The following ZNF610 variants were observed in gnomAD, a reference collection of about 807,000 sequenced individuals.
ZNF610 encodes the protein zink finger protein.
Under a neutral mutation model 14.1 loss-of-function variants are expected in ZNF610, and 14 were observed. The ratio of observed to expected loss-of-function variants is 0.99; its 90% CI spans 0.65 to 1.55. The LOEUF (loss-of-function observed/expected upper bound fraction) is 1.55. Ranked by LOEUF, ZNF610 falls within the 40% of genes most tolerant of loss-of-function variation. ZNF610 has a pLI of 0.00. For synonymous variants in ZNF610, 185 were observed against 187.6 expected (o/e 0.99, Z 0.11); for missense variants, 530 against 558.0 (o/e 0.95, Z 0.51).
chr19:52,341,319 TA>T (rs1486429965), intron 1 of ZNF610, among the ~76,000 whole-genome samples: 2 of 152,132 alleles, frequency 1.3e-5, no homozygotes, highest in African/African-American at 4.8e-5. Context: ...TTTTTATTTT[TA>T]TTTTTTTTGA....
At chr19:52,335,802 C>T (rs79318857), upstream of ZNF610, among the ~76,000 whole-genome samples, 2,261 of 152,260 alleles carry the variant, frequency 0.015, 65 homozygotes, top group African/African-American at 0.051. Context: ...ATCGCCTTCA[C>T]ACAGAATTCC....
upstream of ZNF610, among the ~76,000 whole-genome samples, chr19:52,335,894 G>T (rs958851307): frequency 1.3e-5 from 2 of 152,054 alleles, no homozygotes; most frequent in African/African-American, 4.8e-5. Context: ...GTATAGCACT[G>T]GGTCTACACT....
chr19:52,365,109 G>A (rs749120103), intron 5 of ZNF610, among the ~76,000 whole-genome samples: 4 of 152,056 alleles, frequency 2.6e-5, no homozygotes, highest in East Asian at 3.9e-4. Flanking sequence ...TTAGACGAAC[G>A]TGGTGGCGTG....
At chr19:52,345,951 G>A (rs1042742976) in intron 1 of ZNF610, among the ~76,000 whole-genome samples, 10 of 150,506 alleles carry the variant, frequency 6.6e-5, no homozygotes, top group Non-Finnish European at 1.5e-4. Context: ...TGATCCACCC[G>A]CCTTGACCTC....
At chr19:52,355,543 C>A (rs565484799) in intron 5 of ZNF610, among the ~76,000 whole-genome samples, 87 of 152,328 alleles carry the variant, frequency 5.7e-4, no homozygotes, top group Middle Eastern at 3.4e-3. Context: ...TTCTATAATT[C>A]ATTTCTAACA....
upstream of ZNF610, among the ~76,000 whole-genome samples, chr19:52,333,614 T>C (rs892560740): frequency 6.6e-6 from 1 of 152,218 alleles, no homozygotes; most frequent in East Asian, 1.9e-4. Flanking sequence ...CCAAATTCAA[T>C]TTAAGTAAAA....
chr19:52,342,407 A>T (rs1442517013), intron 1 of ZNF610, among the ~76,000 whole-genome samples: 1 of 151,860 alleles, frequency 6.6e-6, no homozygotes, highest in African/African-American at 2.4e-5. Flanking sequence ...TAGTTTTTAA[A>T]TTTTTGTCCT....
chr19:52,334,678 A>G (rs1005493993), upstream of ZNF610, among the ~76,000 whole-genome samples: 2 of 152,076 alleles, frequency 1.3e-5, no homozygotes, highest in Non-Finnish European at 1.5e-5. Flanking sequence ...TTTAACAGAG[A>G]AATTGCACCA....
intron 5 of ZNF610, among the ~76,000 whole-genome samples, chr19:52,363,127 CTTTTT>C (rs1280670705): frequency 7.1e-6 from 1 of 141,816 alleles, no homozygotes; most frequent in Non-Finnish European, 1.5e-5. Context: ...GTTCTATCCC[CTTTTT>C]TTTTTTTTTT....
chr19:52,339,379 C>T (rs969851418), intron 1 of ZNF610, among the ~76,000 whole-genome samples: 2 of 151,994 alleles, frequency 1.3e-5, no homozygotes, highest in African/African-American at 2.4e-5. Context: ...CAGGCTATCA[C>T]ATGGGGAGAA....
intron 3 of ZNF610, among the ~76,000 whole-genome samples, chr19:52,350,701 A>C (rs1985210133): frequency 6.6e-6 from 1 of 151,404 alleles, no homozygotes; most frequent in South Asian, 2.1e-4. Flanking sequence ...AACAAAAAAA[A>C]CCTATACAGC....
Position 52,353,762 on chromosome 19 carries a change from A to G in ZNF610, c.144A>G (p.Leu48=), listed in dbSNP as rs940378640. The G allele has an allele frequency of 1.2e-6, 2 of 1,613,606 alleles. No homozygotes were observed. Among genetic ancestry groups the G allele is most frequent in the Non-Finnish European group, 1.7e-6 (2 of 1,179,912 alleles). ...CCCTGGACCCTGGACAGAGGGCTTT[A>G]TACAGGGACGTGATGTTGGAGAACT... is the stretch of plus-strand genomic sequence containing the variant. The part of the protein sequence containing the change: ...WKSLDPGQRA[L]YRDVMLENYR... Residue 48 remains leucine (L), a synonymous_variant, in exon 4 of 6, where the codon TTA becomes TTG. Coordinates refer to ENST00000403906, the MANE Select transcript of ZNF610 (RefSeq NM_001161425.2).
chr19:52,358,177 G>T (rs150457171), intron 5 of ZNF610, among the ~76,000 whole-genome samples: 89 of 152,182 alleles, frequency 5.8e-4, no homozygotes, highest in African/African-American at 2.1e-3. Flanking sequence ...TAGGAACAAA[G>T]AATGCTTCTT....
At chr19:52,350,141 G>A (rs1228381029) in intron 3 of ZNF610, among the ~76,000 whole-genome samples, 3 of 152,090 alleles carry the variant, frequency 2.0e-5, no homozygotes, top group African/African-American at 4.8e-5. Context: ...TAAATTTTTT[G>A]TCATTAAAGA....
intron 5 of ZNF610, among the ~76,000 whole-genome samples, chr19:52,358,831 G>A (rs892835464): frequency 6.6e-6 from 1 of 152,136 alleles, no homozygotes; most frequent in Non-Finnish European, 1.5e-5. Context: ...TTTTGCATAC[G>A]GTGTAATAAG....
chr19:52,365,997 A>T lies in ZNF610; in HGVS notation c.619A>T (p.Ser207Cys). 1 of 1,614,192 alleles carries T rather than the reference A, an allele frequency of 6.2e-7. No individual in the cohort carries two copies. The highest frequency in any genetic ancestry group is 8.5e-7 in the Non-Finnish European group (1 of 1,180,036). ...IRGKSYEYEC[S>C]EDGEVFRVRA... ...AGGAAAATCTTATGAATATGAATGT[A>T]GTGAAGATGGTGAAGTTTTTAGAGT... The change falls in exon 6 of 6, where the codon AGT becomes TGT. Residue 207 changes from serine to cysteine, a missense_variant. Coordinates refer to ENST00000403906, the MANE Select transcript of ZNF610 (RefSeq NM_001161425.2).
At chr19:52,342,449 A>C (rs974239764) in intron 1 of ZNF610, among the ~76,000 whole-genome samples, 8 of 151,940 alleles carry the variant, frequency 5.3e-5, no homozygotes, top group Non-Finnish European at 1.2e-4. Flanking sequence ...AGCAATTTGC[A>C]CAGCCGATCA....
At chr19:52,335,816 C>G (rs1026031931), upstream of ZNF610, among the ~76,000 whole-genome samples, 3 of 152,060 alleles carry the variant, frequency 2.0e-5, no homozygotes, top group Non-Finnish European at 4.4e-5. Context: ...GAATTCCAGG[C>G]CTTTTAAATT....
Position 52,347,960 on chromosome 19 carries a change from A to G in ZNF610, c.-20+16A>G, listed in dbSNP as rs965137551. ...GCCATTCATGGTGAGTGCCCTAGAC[A>G]GCTGTACCATTTTTTAAACATGTAT... On this transcript the variant is annotated intron_variant, in intron 2 of 5. Transcript: ENST00000403906. The G allele has an allele frequency of 1.3e-5, 2 of 152,236 alleles. No individual in the cohort carries two copies. The highest frequency in any genetic ancestry group is 2.9e-5 in the Non-Finnish European group (2 of 68,046). The allele number at this position is 152,236 out of a possible 1,614,324, so 9.4% of individuals were successfully genotyped here. A position where few individuals can be genotyped will look rare whatever the true frequency, so the allele number is the denominator to read the frequency against.
Sources: gnomAD v4.1 joint callset for allele counts (sites outside exome capture counted in the v4.1 genomes callset) on GRCh38, gnomAD v4.1.1 for gene constraint, MANE v1.5 for transcripts, NCBI Gene and HGNC (gene_info 2026-07-23, HGNC 2026-07-21) for gene names.